Variants in SRGAP3 observed in about 807,000 individuals in gnomAD.
The protein encoded by SRGAP3 is SLIT-ROBO Rho GTPase activating protein 3.
SRGAP3 carries 39 observed loss-of-function variants against 121.1 expected under a neutral mutation model. That is an observed-to-expected ratio of 0.32 (90% CI 0.25 to 0.42). SRGAP3 has a LOEUF of 0.42. SRGAP3 is among the 10% of genes least tolerant of loss of function. SRGAP3 has a pLI of 1.00. For synonymous variants in SRGAP3, 601 were observed against 570.0 expected, an observed-to-expected ratio of 1.05 and a Z score of -0.77; for missense variants, 1,213 against 1,470.6, an observed-to-expected ratio of 0.82 and a Z score of 2.86.
chr3:9,333,053 A>C (rs1297482604), intron 1 of SRGAP3, among the ~76,000 whole-genome samples: 3 of 152,254 alleles, frequency 2.0e-5, no homozygotes, highest in Non-Finnish European at 4.4e-5. Context: ...TCTTGACAGA[A>C]TGACTTAGCA....
chr3:9,284,649 A>G (rs376001452), intron 3 of SRGAP3, among the ~76,000 whole-genome samples: 1 of 152,040 alleles, frequency 6.6e-6, no homozygotes, highest in African/African-American at 2.4e-5. Flanking sequence ...GAACAACGTG[A>G]TAAAATCCCA....
chr3:9,116,097 A>G (rs981043708), intron 2 of SRGAP3, among the ~76,000 whole-genome samples: 4 of 152,160 alleles, frequency 2.6e-5, no homozygotes, highest in African/African-American at 4.8e-5. Context: ...TTGATCATCC[A>G]TATTACCGAA....
At chr3:9,161,851 C>T (rs967529999) in intron 1 of SRGAP3, among the ~76,000 whole-genome samples, 7 of 152,096 alleles carry the variant, frequency 4.6e-5, no homozygotes, top group African/African-American at 9.7e-5. Context: ...AATTTTTTTT[C>T]AAGCAAACCT....
chr3:9,201,922 C>T (rs902462420), intron 1 of SRGAP3, among the ~76,000 whole-genome samples: 1 of 152,182 alleles, frequency 6.6e-6, no homozygotes, highest in Non-Finnish European at 1.5e-5. Flanking sequence ...CAACTCTGTG[C>T]GTTGGGTGTT....
intron 1 of SRGAP3, among the ~76,000 whole-genome samples, chr3:9,182,200 A>AAAAAAAAAC (rs1491306717): frequency 3.4e-5 from 5 of 146,304 alleles, no homozygotes; most frequent in Non-Finnish European, 6.1e-5. Context: ...AAAAAAAAAA[A>AAAAAAAAAC]ACACAAAAAA....
intron 1 of SRGAP3, among the ~76,000 whole-genome samples, chr3:9,342,924 T>G (rs1241225313): frequency 6.6e-6 from 1 of 152,254 alleles, no homozygotes; most frequent in Non-Finnish European, 1.5e-5. Context: ...AACCTCGAAC[T>G]TGTCCAACTG....
chr3:9,217,328 C>T (rs2125191811), intron 1 of SRGAP3: 1 of 152,262 alleles, frequency 6.6e-6, no homozygotes, highest in South Asian at 2.1e-4. Context: ...AATTTAACTA[C>T]TTTAACTATT....
At chr3:9,340,737 C>T (rs1292634544) in intron 1 of SRGAP3, among the ~76,000 whole-genome samples, 1 of 152,022 alleles carries the variant, frequency 6.6e-6, no homozygotes, top group East Asian at 1.9e-4. Flanking sequence ...TGTACAAGAG[C>T]CCTGTGGAAG....
chr3:9,083,240 C>A (rs570300250), intron 3 of SRGAP3, among the ~76,000 whole-genome samples: 1 of 152,150 alleles, frequency 6.6e-6, no homozygotes, highest in Non-Finnish European at 1.5e-5. Flanking sequence ...ACCTTTGACA[C>A]CCAAGACCCT....
rs541872785 is a variant in SRGAP3, at chr3:9,153,426, G to C, written c.68-28509C>G. Among the ~76,000 whole-genome samples the C allele has an allele frequency of 2.0e-5, 3 of 152,280 alleles. No homozygotes were observed. The East Asian group carries it at 5.8e-4, about 29-fold the overall frequency. ...AAAACCTGAGGCATACCGTCTCAGA[G>C]TCACACAGTTATGAAAACCCAATCC... On this transcript the variant is annotated intron_variant, in intron 1 of 21. Coordinates refer to ENST00000383836, the MANE Select transcript of SRGAP3 (RefSeq NM_014850.4).
At chr3:9,331,858 G>C (rs1955612900) in intron 1 of SRGAP3, among the ~76,000 whole-genome samples, 1 of 151,984 alleles carries the variant, frequency 6.6e-6, no homozygotes. Context: ...CCTTCCAAAT[G>C]AATTAACCCA....
intron 3 of SRGAP3, among the ~76,000 whole-genome samples, chr3:9,267,917 G>C (rs1016508463): frequency 6.6e-6 from 1 of 151,390 alleles, no homozygotes; most frequent in Non-Finnish European, 1.5e-5. Context: ...ACAACTCTAA[G>C]ATAGCTACAG....
chr3:9,075,429 G>T (rs1435399179), intron 4 of SRGAP3, among the ~76,000 whole-genome samples: 1 of 152,116 alleles, frequency 6.6e-6, no homozygotes, highest in Non-Finnish European at 1.5e-5. Context: ...ATGCTAGCAT[G>T]TTTTAAAGAG....
chr3:9,326,981 G>A lies in SRGAP3; in HGVS notation n.284-813C>T, dbSNP rs73126627. Among the ~76,000 whole-genome samples the A allele has an allele frequency of 6.3e-3, 950 of 151,418 alleles. 7 individuals carry two copies. Among genetic ancestry groups the A allele is most frequent in the African/African-American group, 0.022 (904 of 41,418 alleles). The stretch of plus-strand genomic sequence containing the variant: ...TCTGTCTCCTTTCTTTCCCTTCCCC[G>A]CTTTTTCTTTTGTAGTTTACTTAAA... On this transcript the variant is annotated intron_variant and non_coding_transcript_variant, in intron 2 of 3. Transcript: ENST00000490889.
intron 12 of SRGAP3, among the ~76,000 whole-genome samples, chr3:9,028,551 C>T (rs1386930528): frequency 6.6e-6 from 1 of 152,154 alleles, no homozygotes; most frequent in East Asian, 1.9e-4. Context: ...CAGCTGCCCA[C>T]AAAAAGGAGA....
intron 7 of SRGAP3, 139 bp downstream of exon 7, chr3:9,058,111 TG>T: frequency 2.3e-6 from 2 of 884,568 alleles, no homozygotes; most frequent in Non-Finnish European, 3.7e-6. Context: ...ACTCCTCAGC[TG>T]GGGAAGCCCA....
chr3:9,323,360 A>G (rs1246383671), intron 3 of SRGAP3, among the ~76,000 whole-genome samples: 1 of 151,980 alleles, frequency 6.6e-6, no homozygotes, highest in Non-Finnish European at 1.5e-5. Context: ...CTTCATGTAA[A>G]TTTGGAAAAT....
rs763386146 is a variant in SRGAP3, at chr3:8,985,582, C to G, written c.3237G>C (p.Pro1079=). Residue 1079 remains proline, a synonymous_variant, in exon 22 of 22, where the codon CCG becomes CCC. Transcript: ENST00000383836. The surrounding 1 kb of genome is among the most constrained non-coding windows in gnomAD (Gnocchi z 5.1). The part of the protein sequence containing the change: ...SSSSSSGVGS[P]AVTPTEKMFP... Reference sequence around the variant, plus strand: ...ACATCTTCTCGGTGGGCGTCACGGCCGGGCTGCCCACGCCCGAGCTGCTGC... The same window carrying G: ...ACATCTTCTCGGTGGGCGTCACGGCGGGGCTGCCCACGCCCGAGCTGCTGC... 6.4e-7 allele frequency: 1 copy of G among 1,565,192 alleles called. No homozygotes were observed. The highest frequency in any genetic ancestry group is 2.3e-5 in the East Asian group (1 of 42,762).
chr3:9,223,869 G>T (rs940824186), intron 1 of SRGAP3, among the ~76,000 whole-genome samples: 2 of 152,176 alleles, frequency 1.3e-5, no homozygotes, highest in Admixed American at 6.5e-5. Context: ...TGTGAGATTC[G>T]ATTTGTTTCC....
Sources: allele counts gnomAD v4.1 joint callset (sites outside exome capture counted in the v4.1 genomes callset), GRCh38; gene constraint gnomAD v4.1.1; non-coding constraint Gnocchi (gnomAD v3.1); transcripts MANE v1.5; gene names NCBI Gene and HGNC (gene_info 2026-07-23, HGNC 2026-07-21).